GREB1: variants seen among roughly 807,000 people sequenced by gnomAD.
GREB1 encodes growth regulating estrogen receptor binding 1.
A neutral mutation model predicts 200.7 loss-of-function variants in GREB1; 106 were observed. The ratio of observed to expected loss-of-function variants is 0.53; its 90% CI spans 0.45 to 0.62. The LOEUF (loss-of-function observed/expected upper bound fraction) is 0.62, where lower values mean the gene tolerates loss of function less well. GREB1 is among the 20% of genes least tolerant of loss of function. The probability of loss-of-function intolerance (pLI) is 0.00; values close to 1 mark genes in which losing one functional copy is unlikely to be tolerated. For missense variants in GREB1, 2,243 were observed against 2,556.8 expected (o/e 0.88, Z 2.65); for synonymous variants, 1,132 against 1,092.4 (o/e 1.04, Z -0.72).
Position 11,585,925 on chromosome 2 carries a change from G to A in GREB1, c.1159+20G>A, listed in dbSNP as rs150025653. The A allele has an allele frequency of 6.1e-5, 98 of 1,604,814 alleles. 1 individual carries two copies. In the East Asian group the frequency reaches 1.2e-3, roughly 20 times the overall value. On this transcript the variant is annotated intron_variant, in intron 9 of 32. Transcript: ENST00000381486. ...TTAAAGGCAAGTACAGCAGTGCACC[G>A]AGTCGTGGGGATGGGAGAACCTAAA... is the stretch of plus-strand genomic sequence containing the variant.
intron 1 of GREB1, among the ~76,000 whole-genome samples, chr2:11,489,974 CAAATA>C (rs896834880): frequency 1.3e-5 from 2 of 148,524 alleles, no homozygotes; most frequent in African/African-American, 4.9e-5. Flanking sequence ...AGATATATAA[CAAATA>C]ATATTGTAAT....
Position 11,562,461 on chromosome 2 carries a change from A to G in GREB1, c.158-2A>G, listed in dbSNP as rs1677166515. 6.2e-7 allele frequency: 1 copy of G among 1,608,184 alleles called. No homozygotes were observed. The highest frequency in any genetic ancestry group is 1.1e-5 in the South Asian group (1 of 90,824). On this transcript the variant is annotated splice_acceptor_variant, in intron 2 of 32. Transcript: ENST00000381486. LOFTEE classifies it high-confidence loss of function. Reference sequence around the variant, plus strand: ...GCTCATCACTCTTCTTCCCGCATCTAGGTGGTAGCCGAGTGGACAATGAGG... The same window carrying G: ...GCTCATCACTCTTCTTCCCGCATCTGGGTGGTAGCCGAGTGGACAATGAGG...
intron 2 of GREB1, among the ~76,000 whole-genome samples, chr2:11,558,596 A>G (rs1246612439): frequency 5.9e-5 from 9 of 152,220 alleles, no homozygotes; most frequent in Non-Finnish European, 1.3e-4. Flanking sequence ...CTAGTGCAGG[A>G]AAACAAGGGG....
chr2:11,587,579 G>A, intron 9 of GREB1: 1 of 1,499,588 alleles, frequency 6.7e-7, no homozygotes, highest in Non-Finnish European at 8.9e-7. Flanking sequence ...AACGTGACCT[G>A]TGCCCCAGGC....
chr2:11,588,734 G>C lies in GREB1; in HGVS notation c.1160-12G>C. ...CAAGACTGGGTGCCAAGTCGCTGCT[G>C]TTCCTCTGCAGGCCATGGGAACTTC... On this transcript the variant is annotated splice_polypyrimidine_tract_variant and intron_variant, in intron 9 of 32. Coordinates refer to ENST00000381486, the MANE Select transcript of GREB1 (RefSeq NM_014668.4). 6.2e-7 allele frequency: 1 copy of C among 1,613,714 alleles called. No individual in the cohort carries two copies.
chr2:11,604,384 T>G (rs1349276243), intron 17 of GREB1, among the ~76,000 whole-genome samples: 3 of 152,208 alleles, frequency 2.0e-5, no homozygotes, highest in Non-Finnish European at 2.9e-5. Context: ...ATTAAATGGA[T>G]TCATACACCT....
chr2:11,510,238 G>T (rs1213145533), intron 1 of GREB1, among the ~76,000 whole-genome samples: 1 of 152,196 alleles, frequency 6.6e-6, no homozygotes, highest in Non-Finnish European at 1.5e-5. Context: ...TTAATGTCTG[G>T]TGAGAAGATG....
chr2:11,485,543 G>A (rs1672637211), intron 1 of GREB1, among the ~76,000 whole-genome samples: 1 of 152,062 alleles, frequency 6.6e-6, no homozygotes, highest in Non-Finnish European at 1.5e-5. Flanking sequence ...CAAAGTGCTG[G>A]GATTACAGGT....
At position 11,610,703 on chromosome 2, in the gene GREB1, C is replaced by T; in HGVS notation, c.2682C>T (p.His894=). 10 of 1,612,184 alleles carry T rather than the reference C, an allele frequency of 6.2e-6. No homozygotes were observed. Among genetic ancestry groups the T allele is most frequent in the Non-Finnish European group, 8.5e-6 (10 of 1,179,398 alleles). Residue 894 remains histidine, a synonymous_variant, in exon 18 of 33, where the codon CAC becomes CAT. Coordinates refer to ENST00000381486, the MANE Select transcript of GREB1 (RefSeq NM_014668.4). ...TTCCTTGCAGGTTCCCCCGCCTGCA[C>T]AGCGCGGTGATCAGGACCTTTGTTC... ...TALGKRFPRL[H]SAVIRTFVLV...
In GREB1 at chr2:11,630,019, C is replaced by T. The variant is rs762450685; in HGVS notation, c.4521C>T (p.Phe1507=). 2 of 1,614,098 alleles carry T rather than the reference C, an allele frequency of 1.2e-6. No homozygotes were observed. The highest frequency in any genetic ancestry group is 2.7e-5 in the African/African-American group (2 of 74,944). Residue 1507 remains phenylalanine, a synonymous_variant, in exon 26 of 33, where the codon TTC becomes TTT. Coordinates refer to ENST00000381486, the MANE Select transcript of GREB1 (RefSeq NM_014668.4). Reference sequence around the variant, plus strand: ...TAGGAGAGGAGATCCAGCTGCACTTCATCATCCCCAAGTCCAAGGAGCACC... The same window carrying T: ...TAGGAGAGGAGATCCAGCTGCACTTTATCATCCCCAAGTCCAAGGAGCACC... ...SMLGEEIQLH[F]IIPKSKEHHF... is the part of the protein sequence containing the mutation.
chr2:11,536,535 C>G (rs888929494), intron 1 of GREB1, among the ~76,000 whole-genome samples: 5 of 152,142 alleles, frequency 3.3e-5, no homozygotes, highest in African/African-American at 1.2e-4. Flanking sequence ...CAAAAAGTGC[C>G]AAACTGTGGC....
At chr2:11,592,671 A>C (rs1680852134) in intron 10 of GREB1, 105 bp from the exon 11 acceptor site, 1 of 698,460 alleles carries the variant, frequency 1.4e-6, no homozygotes, top group South Asian at 2.2e-5. Context: ...CTGTGATACG[A>C]TTTCACAGTA....
chr2:11,608,350 T>A (rs1682600032), intron 17 of GREB1, among the ~76,000 whole-genome samples: 1 of 152,240 alleles, frequency 6.6e-6, no homozygotes, highest in African/African-American at 2.4e-5. Flanking sequence ...GCAAATTCTG[T>A]CATCTGTGTC....
intron 17 of GREB1, among the ~76,000 whole-genome samples, chr2:11,608,407 A>T (rs1682607812): frequency 6.6e-6 from 1 of 151,992 alleles, no homozygotes; most frequent in African/African-American, 2.4e-5. Flanking sequence ...CCCCTTTATT[A>T]TGGATCATAT....
chr2:11,635,238 A>C (rs767562343), intron 29 of GREB1, 32 bp from the exon 30 acceptor site: 15 of 1,613,432 alleles, frequency 9.3e-6, no homozygotes, highest in African/African-American at 1.3e-5. Context: ...GCTGTGCCCC[A>C]TCAGACCCAC....
intron 1 of GREB1, among the ~76,000 whole-genome samples, chr2:11,491,738 C>T (rs1672777702): frequency 6.6e-6 from 1 of 152,158 alleles, no homozygotes. Context: ...CTGTCTGGTT[C>T]CCAGGAGTGA....
chr2:11,565,549 G>A (rs1192608858), intron 3 of GREB1, among the ~76,000 whole-genome samples: 1 of 152,210 alleles, frequency 6.6e-6, no homozygotes, highest in Non-Finnish European at 1.5e-5. Flanking sequence ...CCTTACCTGG[G>A]ACAAGACCCT....
intron 4 of GREB1, among the ~76,000 whole-genome samples, chr2:11,574,464 G>T (rs1008784458): frequency 6.6e-6 from 1 of 152,168 alleles, no homozygotes; most frequent in Non-Finnish European, 1.5e-5. Flanking sequence ...GGGGCCCCCA[G>T]AGGAAAGGAT....
intron 1 of GREB1, among the ~76,000 whole-genome samples, chr2:11,551,302 C>T (rs1298765455): frequency 2.0e-5 from 3 of 152,200 alleles, no homozygotes; most frequent in Non-Finnish European, 4.4e-5. Context: ...TGAATCTCCA[C>T]GTAGAGAGTT....
Sources: gnomAD v4.1 joint callset for allele counts (sites outside exome capture counted in the v4.1 genomes callset) on GRCh38, gnomAD v4.1.1 for gene constraint, MANE v1.5 for transcripts, NCBI Gene and HGNC (gene_info 2026-07-23, HGNC 2026-07-21) for gene names.